The following PCDHGA7 variants were observed in gnomAD, a reference collection of about 807,000 sequenced individuals.
The protein encoded by PCDHGA7 is protocadherin gamma subfamily A, 7.
PCDHGA7 carries 44 observed loss-of-function variants against 58.3 expected under a neutral mutation model. The observed-to-expected ratio is 0.75, with a 90% confidence interval of 0.59 to 0.97. The LOEUF (loss-of-function observed/expected upper bound fraction) is 0.97, where lower values mean the gene tolerates loss of function less well. Among genes scored for constraint, PCDHGA7 ranks in the 50% least tolerant of loss-of-function variants. PCDHGA7 has a pLI of 0.00. For synonymous variants in PCDHGA7, 516 were observed against 504.2 expected (o/e 1.02, Z -0.31); for missense variants, 1,266 against 1,188.7 (o/e 1.06, Z -0.96).
intron 1 of PCDHGA7, among the ~76,000 whole-genome samples, chr5:141,483,553 C>G (rs955671854): frequency 2.0e-5 from 3 of 152,230 alleles, no homozygotes; most frequent in Admixed American, 2.0e-4. Context: ...CAGTGCCATT[C>G]ACAGAGACAG....
chr5:141,489,660 G>A lies in PCDHGA7; in HGVS notation c.2425-5147G>A, dbSNP rs763985085. 3 of 1,614,096 alleles carry A rather than the reference G, an allele frequency of 1.9e-6. No individual in the cohort carries two copies. Among genetic ancestry groups the A allele is most frequent in the Non-Finnish European group, 2.5e-6 (3 of 1,180,036 alleles). On this transcript the variant is annotated intron_variant, in intron 1 of 3. Coordinates refer to ENST00000518325, the MANE Select transcript of PCDHGA7 (RefSeq NM_018920.4). The surrounding 1 kb of genome is among the most constrained non-coding windows in gnomAD (Gnocchi z 4.5). Reference sequence around the variant, plus strand: ...GCTTTGCCACCCCTGAGCGAGAGATGCGCATCTCAGAATCAGCAGCATCTG... The same window carrying A: ...GCTTTGCCACCCCTGAGCGAGAGATACGCATCTCAGAATCAGCAGCATCTG...
At position 141,495,009 on chromosome 5, in the gene PCDHGA7, G is replaced by A; in HGVS notation, c.2483+144G>A. 6 of 1,518,622 alleles carry A rather than the reference G, an allele frequency of 4.0e-6. No homozygotes were observed. The South Asian group carries it at 6.2e-5, about 16-fold the overall frequency. The allele number at this position is 1,518,622 out of a possible 1,614,324, so 94.1% of individuals were successfully genotyped here. ...TCCCAGGGAGGTCTTGGTGTGCGGG[G>A]GGCTGGCACACAGACCCCGGAAGGA... is the stretch of plus-strand genomic sequence containing the variant. On this transcript the variant is annotated intron_variant, in intron 2 of 3. Coordinates refer to ENST00000518325, the MANE Select transcript of PCDHGA7 (RefSeq NM_018920.4).
chr5:141,409,828 C>T (rs2154542180), intron 1 of PCDHGA7: 1 of 1,611,128 alleles, frequency 6.2e-7, no homozygotes, highest in Non-Finnish European at 8.5e-7. Flanking sequence ...CGCCCACGCT[C>T]AGCGCCAACG....
intron 1 of PCDHGA7, chr5:141,422,687 T>C: frequency 6.2e-7 from 1 of 1,604,936 alleles, no homozygotes; most frequent in Non-Finnish European, 8.5e-7. Flanking sequence ...CAGAATGCCC[T>C]GGTCACTTAC....
rs376415955 is a variant in PCDHGA7, at chr5:141,432,082, C to T, written c.2424+46759C>T. ...CCACGGAAACTCATATCTCGCTGAACGTGGCAGACACCAACGACAACCCGC... is the reference window on the plus strand; with the variant it reads ...CCACGGAAACTCATATCTCGCTGAATGTGGCAGACACCAACGACAACCCGC... On this transcript the variant is annotated intron_variant, in intron 1 of 3. Transcript: ENST00000518325. This position sits in a 1 kb window ranked among gnomAD's most constrained non-coding sequence, Gnocchi z 6.0. The T allele has an allele frequency of 3.1e-6, 5 of 1,614,184 alleles. No homozygotes were observed. Among genetic ancestry groups the T allele is most frequent in the Non-Finnish European group, 4.2e-6 (5 of 1,180,028 alleles).
intron 1 of PCDHGA7, chr5:141,405,481 G>A: frequency 2.0e-6 from 2 of 992,130 alleles, no homozygotes; most frequent in Middle Eastern, 2.6e-4. Context: ...ATGCAGTGGT[G>A]TGATCTCGGC....
intron 1 of PCDHGA7, chr5:141,419,303 G>A (rs1561779463): frequency 1.2e-6 from 2 of 1,613,970 alleles, no homozygotes; most frequent in Non-Finnish European, 1.7e-6. Flanking sequence ...CCCAGACTTC[G>A]GGCTCAACGG....
chr5:141,486,707 C>A lies in PCDHGA7; in HGVS notation c.2425-8100C>A, dbSNP rs1314530265. On this transcript the variant is annotated intron_variant, in intron 1 of 3. Coordinates refer to ENST00000518325, the MANE Select transcript of PCDHGA7 (RefSeq NM_018920.4). The surrounding 1 kb of genome is among the most constrained non-coding windows in gnomAD (Gnocchi z 5.0). ...AGCTTCCTCTTTCATCTCTCTGAAC[C>A]CCCAGACAGGAGCTGTTCATGCTAC... 2 of 1,614,040 alleles carry A rather than the reference C, an allele frequency of 1.2e-6. No individual in the cohort carries two copies. The highest frequency in any genetic ancestry group is 1.7e-6 in the Non-Finnish European group (2 of 1,180,038).
At chr5:141,425,640 C>G (rs2096886863) in intron 1 of PCDHGA7, among the ~76,000 whole-genome samples, 1 of 152,206 alleles carries the variant, frequency 6.6e-6, no homozygotes, top group Non-Finnish European at 1.5e-5. Flanking sequence ...TCTGATAAAA[C>G]TAGGAGGAAA....
chr5:141,410,774 C>G, intron 1 of PCDHGA7: 4 of 955,126 alleles, frequency 4.2e-6, no homozygotes, highest in Non-Finnish European at 5.8e-6. Context: ...ATAGTTTTCA[C>G]TATGTATTTG....
chr5:141,485,641 G>T lies in PCDHGA7; in HGVS notation c.2425-9166G>T. The T allele has an allele frequency of 6.2e-7, 1 of 1,612,012 alleles. No individual in the cohort carries two copies. Among genetic ancestry groups the T allele is most frequent in the Non-Finnish European group, 8.5e-7 (1 of 1,178,470 alleles). On this transcript the variant is annotated intron_variant, in intron 1 of 3. Transcript: ENST00000518325. The surrounding 1 kb of genome is among the most constrained non-coding windows in gnomAD (Gnocchi z 5.7). Reference sequence around the variant, plus strand: ...CAGGACAGCGTTTCCCGTTGGAAAAGGCTCAGGATGCAGATGTGGGGAGCA... The same window carrying T: ...CAGGACAGCGTTTCCCGTTGGAAAATGCTCAGGATGCAGATGTGGGGAGCA...
At chr5:141,423,240 A>G (rs1260661059) in intron 1 of PCDHGA7, 1 of 1,613,932 alleles carries the variant, frequency 6.2e-7, no homozygotes, top group Middle Eastern at 1.6e-4. Context: ...GCATCCCCGA[A>G]GTCCTGGCGG....
rs539072548 is a variant in PCDHGA7 at position 141,421,546 on chromosome 5, A to G, written c.2424+36223A>G. 4.3e-6 allele frequency: 7 copies of G among 1,613,896 alleles called. No homozygotes were observed. The South Asian group carries it at 4.4e-5, about 10-fold the overall frequency. ...GACGGTGTCCTCCTGTTTTTTAAAT[A>G]TGGAACTTCTCGTGGAAGACACCTT... On this transcript the variant is annotated intron_variant, in intron 1 of 3. Transcript: ENST00000518325.
At chr5:141,507,815 C>G (rs936926937) in intron 3 of PCDHGA7, among the ~76,000 whole-genome samples, 2 of 152,204 alleles carry the variant, frequency 1.3e-5, no homozygotes, top group African/African-American at 4.8e-5. Context: ...GGAACGGACC[C>G]TGGGGGTGGA....
chr5:141,421,901 G>C (rs754277661), intron 1 of PCDHGA7: 1 of 1,613,724 alleles, frequency 6.2e-7, no homozygotes, highest in East Asian at 2.2e-5. Flanking sequence ...ATCCGAAAGG[G>C]CGCAGTTCCC....
chr5:141,421,467 G>T (rs1436543181), intron 1 of PCDHGA7: 1 of 1,614,132 alleles, frequency 6.2e-7, no homozygotes, highest in South Asian at 1.1e-5. Flanking sequence ...CTGTGAATCC[G>T]CGAAGCGGCA....
In PCDHGA7 at chr5:141,415,024, G is replaced by A. The variant is rs1272655664; in HGVS notation, c.2424+29701G>A. On this transcript the variant is annotated intron_variant, in intron 1 of 3. Coordinates refer to ENST00000518325, the MANE Select transcript of PCDHGA7 (RefSeq NM_018920.4). ...GTCCTACCGTCTGCTCAAGGCCAGC[G>A]AGCCGGGACTCTTCGCGGTGGGGGA... 4.3e-6 allele frequency: 7 copies of A among 1,613,450 alleles called. 1 individual carries two copies. The highest frequency in any genetic ancestry group is 3.3e-5 in the Admixed American group (2 of 60,002).
chr5:141,461,902 C>A (rs1477274695), intron 1 of PCDHGA7, among the ~76,000 whole-genome samples: 1 of 152,116 alleles, frequency 6.6e-6, no homozygotes, highest in African/African-American at 2.4e-5. Flanking sequence ...CGGCTCACTG[C>A]AACCTCTGCC....
intron 1 of PCDHGA7, chr5:141,418,548 T>C: frequency 6.2e-7 from 1 of 1,613,964 alleles, no homozygotes; most frequent in Non-Finnish European, 8.5e-7. Flanking sequence ...CAGATAAGAA[T>C]CCTGGTAATA....
Sources: gnomAD v4.1 joint callset for allele counts (sites outside exome capture counted in the v4.1 genomes callset) on GRCh38, gnomAD v4.1.1 for gene constraint, Gnocchi (gnomAD v3.1) non-coding constraint, MANE v1.5 for transcripts, NCBI Gene and HGNC (gene_info 2026-07-23, HGNC 2026-07-21) for gene names.